Variants in CYP4F12 observed in about 807,000 individuals in gnomAD.
The protein encoded by CYP4F12 is cytochrome P450 family 4 subfamily F member 12, also known as cytochrome P450 4F12.
Under a neutral mutation model 56.5 loss-of-function variants are expected in CYP4F12, and 60 were observed. The observed-to-expected ratio is 1.06, with a 90% confidence interval of 0.86 to 1.32. The LOEUF is 1.32. Among genes scored for constraint, CYP4F12 ranks in the 40% most tolerant of loss-of-function variants. CYP4F12 has a pLI of 0.00. For missense variants in CYP4F12, 711 were observed against 683.5 expected (o/e 1.04, Z -0.45); for synonymous variants, 263 against 264.9 (o/e 0.99, Z 0.07).
chr19:15,696,262 C>A, intron 11 of CYP4F12, 37 bp downstream of exon 11: 4 of 1,613,418 alleles, frequency 2.5e-6, no homozygotes, highest in Non-Finnish European at 3.4e-6. Context: ...CACCCCCATC[C>A]TCTACTTTTG....
At chr19:15,683,087 AG>A (rs1951407245) in intron 6 of CYP4F12, among the ~76,000 whole-genome samples, 2 of 151,764 alleles carry the variant, frequency 1.3e-5, no homozygotes, top group East Asian at 3.9e-4. Flanking sequence ...AGAGAGACAG[AG>A]AGACAGAGAG....
intron 11 of CYP4F12, 61 bp from the exon 12 acceptor site, chr19:15,696,369 C>T: frequency 6.2e-6 from 10 of 1,611,952 alleles, no homozygotes; most frequent in South Asian, 3.3e-5. Flanking sequence ...ACACAAGTGT[C>T]TCTCCAAGGC....
At chr19:15,687,861 C>G (rs1236351188) in intron 9 of CYP4F12, among the ~76,000 whole-genome samples, 1 of 152,212 alleles carries the variant, frequency 6.6e-6, no homozygotes, top group Non-Finnish European at 1.5e-5. Context: ...CTTATTGTAT[C>G]TCACAGGGGA....
At chr19:15,675,973 T>C (rs2006900756) in intron 2 of CYP4F12, among the ~76,000 whole-genome samples, 1 of 152,168 alleles carries the variant, frequency 6.6e-6, no homozygotes. Context: ...AGAAGTCCCA[T>C]GATATATCAT....
In CYP4F12 at chr19:15,696,991, A is replaced by G. The variant is rs1328754203; in HGVS notation, c.1481A>G (p.Asp494Gly). The change falls in exon 13 of 13, where the codon GAC (aspartate) becomes GGC (glycine). Residue 494 changes from aspartate to glycine, a missense_variant. Transcript: ENST00000550308. ...LMLLHFRFLP[D>G]HTEPRRKLEL... ...CTGCTGCACTTCCGGTTCCTGCCAGACCACACTGAGCCCCGCAGGAAGCTG... is the reference window on the plus strand; with the variant it reads ...CTGCTGCACTTCCGGTTCCTGCCAGGCCACACTGAGCCCCGCAGGAAGCTG... 6.2e-7 allele frequency: 1 copy of G among 1,614,246 alleles called. No homozygotes were observed. Among genetic ancestry groups the G allele is most frequent in the South Asian group, 1.1e-5 (1 of 91,088 alleles).
chr19:15,682,971 A>G (rs1309522445), intron 6 of CYP4F12, among the ~76,000 whole-genome samples: 1 of 152,122 alleles, frequency 6.6e-6, no homozygotes, highest in African/African-American at 2.4e-5. Context: ...TCCTGACCTC[A>G]GGTGATGTGC....
intron 9 of CYP4F12, among the ~76,000 whole-genome samples, chr19:15,689,517 T>G (rs573119369): frequency 6.6e-6 from 1 of 152,342 alleles, no homozygotes; most frequent in South Asian, 2.1e-4. Context: ...CTATGAAAAT[T>G]AACATAACCT....
chr19:15,679,553 T>C (rs887122301), intron 3 of CYP4F12, among the ~76,000 whole-genome samples: 1 of 152,226 alleles, frequency 6.6e-6, no homozygotes, highest in African/African-American at 2.4e-5. Flanking sequence ...AGTCATCATG[T>C]GTGTGGCTCA....
At chr19:15,688,155 C>G (rs886484464) in intron 9 of CYP4F12, among the ~76,000 whole-genome samples, 1 of 152,180 alleles carries the variant, frequency 6.6e-6, no homozygotes, top group Non-Finnish European at 1.5e-5. Context: ...AAATCCAGTG[C>G]TATGAGTGGA....
In CYP4F12 at chr19:15,697,006, G is replaced by A. The variant is rs200958722; in HGVS notation, c.1496G>A (p.Arg499His). Residue 499 changes from arginine (R) to histidine (H), a missense_variant, in exon 13 of 13, where the codon CGC becomes CAC. Arg to His is a conservative substitution (Grantham distance 29). Coordinates refer to ENST00000550308, the MANE Select transcript of CYP4F12 (RefSeq NM_023944.4). ...FRFLPDHTEP[R>H]RKLELIMRAE... Reference sequence around the variant, plus strand: ...TTCCTGCCAGACCACACTGAGCCCCGCAGGAAGCTGGAATTGATCATGCGC... The same window carrying A: ...TTCCTGCCAGACCACACTGAGCCCCACAGGAAGCTGGAATTGATCATGCGC... 13 of 1,614,242 alleles carry A rather than the reference G, an allele frequency of 8.1e-6. No individual in the cohort carries two copies. The East Asian group carries it at 1.8e-4, about 22-fold the overall frequency.
In CYP4F12 at chr19:15,683,505, A is replaced by C. The variant is rs1031277335; in HGVS notation, c.660A>C (p.Glu220Asp). The C allele has an allele frequency of 6.2e-7, 1 of 1,603,546 alleles. No homozygotes were observed. Among genetic ancestry groups the C allele is most frequent in the Non-Finnish European group, 8.5e-7 (1 of 1,175,222 alleles). The change falls in exon 7 of 13, where the codon GAA (glutamate) becomes GAC (aspartate). Residue 220 changes from glutamate to aspartate, a missense_variant. Glu to Asp is a conservative substitution (Grantham distance 45, BLOSUM62 2). Transcript: ENST00000550308. ...CCTTGCTCTGCAGGAGGCCCAGTGA[A>C]TATATTGCCACCATCTTGGAGCTCA... ...FDSHCQERPSEYIATILELSA... is the reference protein window; with the variant it reads ...FDSHCQERPSDYIATILELSA...
chr19:15,674,025 A>C (rs113390437), intron 2 of CYP4F12, among the ~76,000 whole-genome samples: 11 of 45,512 alleles, frequency 2.4e-4, no homozygotes, highest in Admixed American at 5.7e-4. Context: ...TCACTCCTCT[A>C]CCCACTCACT....
At chr19:15,682,684 T>G (rs115138498) in intron 6 of CYP4F12, among the ~76,000 whole-genome samples, 174 bp downstream of exon 6, 2,410 of 152,032 alleles carry the variant, frequency 0.016, 2 homozygotes, top group African/African-American at 0.056. Context: ...GAAATATGTG[T>G]GTAAAAGCAA....
chr19:15,690,010 G>A (rs2007800861), intron 9 of CYP4F12, among the ~76,000 whole-genome samples: 1 of 152,144 alleles, frequency 6.6e-6, no homozygotes, highest in South Asian at 2.1e-4. Context: ...AGTATACACT[G>A]CATGGGTGAT....
rs557310811 is a variant in CYP4F12 at position 15,689,078 on chromosome 19, A to G, written c.1115+3881A>G. Among the ~76,000 whole-genome samples, 1,352 of 152,198 alleles carry G rather than the reference A, an allele frequency of 8.9e-3. 14 individuals carry two copies. Among genetic ancestry groups the G allele is most frequent in the African/African-American group, 0.031 (1,285 of 41,494 alleles). On this transcript the variant is annotated intron_variant, in intron 9 of 12. Transcript: ENST00000550308. ...CCACAAAAGCAAATGCAACAAAACCAAAAATAAATCAGTGGAACTTAATTA... is the reference window on the plus strand; with the variant it reads ...CCACAAAAGCAAATGCAACAAAACCGAAAATAAATCAGTGGAACTTAATTA...
intron 5 of CYP4F12, 145 bp from the exon 6 acceptor site, chr19:15,682,244 C>T (rs2007339697): frequency 5.3e-6 from 6 of 1,134,266 alleles, no homozygotes; most frequent in Middle Eastern, 2.6e-4. Flanking sequence ...CTGCTCGCAT[C>T]CCAGTCTGGT....
chr19:15,680,026 G>A (rs1047415983), intron 3 of CYP4F12, among the ~76,000 whole-genome samples: 2 of 152,180 alleles, frequency 1.3e-5, no homozygotes, highest in African/African-American at 4.8e-5. Flanking sequence ...GGCGTGCTGG[G>A]GTGTGCTATG....
At chr19:15,680,129 C>G in intron 3 of CYP4F12, 115 bp from the exon 4 acceptor site, 2 of 1,401,196 alleles carry the variant, frequency 1.4e-6, no homozygotes, top group Non-Finnish European at 1.9e-6. Flanking sequence ...CCCTTGGCCC[C>G]CTTCCTGCTA....
In CYP4F12 at chr19:15,695,952, C is replaced by T. The variant is rs1281932817; in HGVS notation, c.1132C>T (p.Leu378=). 1.2e-6 allele frequency: 2 copies of T among 1,613,188 alleles called. No individual in the cohort carries two copies. Among genetic ancestry groups the T allele is most frequent in the African/African-American group, 2.7e-5 (2 of 74,882 alleles). Residue 378 remains leucine, a synonymous_variant, in exon 10 of 13, where the codon CTG becomes TTG. Transcript: ENST00000550308. ...KEIEWDDLAQ[L]PFLTMCVKES... ...TTTCCTTAGGGACGACCTGGCCCAG[C>T]TGCCCTTCCTGACCATGTGCGTGAA... is the stretch of plus-strand genomic sequence containing the variant.
Sources: gnomAD v4.1 joint callset for allele counts (sites outside exome capture counted in the v4.1 genomes callset) on GRCh38, gnomAD v4.1.1 for gene constraint, MANE v1.5 for transcripts, NCBI Gene and HGNC (gene_info 2026-07-23, HGNC 2026-07-21) for gene names.